The following KALRN variants were observed in gnomAD, a reference collection of about 807,000 sequenced individuals.
KALRN encodes the protein kalirin RhoGEF kinase.
Under a neutral mutation model 353.7 loss-of-function variants are expected in KALRN, and 70 were observed. That is an observed-to-expected ratio of 0.20 (90% CI 0.16 to 0.24). The LOEUF (loss-of-function observed/expected upper bound fraction) is 0.24, where lower values mean the gene tolerates loss of function less well. KALRN is among the 10% of genes least tolerant of loss of function. The pLI is 1.00. For missense variants in KALRN, 2,791 were observed against 3,756.7 expected (o/e 0.74, Z 6.72); for synonymous variants, 1,391 against 1,434.8 (o/e 0.97, Z 0.69).
chr3:124,395,143 A>G lies in KALRN; in HGVS notation c.1971A>G (p.Thr657=). Residue 657 remains threonine, a synonymous_variant, in exon 12 of 60, where the codon ACA becomes ACG. Coordinates refer to ENST00000682506, the MANE Select transcript of KALRN (RefSeq NM_001388419.1). ...CTGCTCTCTCTCTACAGTTGTGGACATGGATGGAAGACCTTCAGAAGGAGA... is the reference window on the plus strand; with the variant it reads ...CTGCTCTCTCTCTACAGTTGTGGACGTGGATGGAAGACCTTCAGAAGGAGA... ...SFHTHTKELW[T]WMEDLQKEML... 4 of 1,612,450 alleles carry G rather than the reference A, an allele frequency of 2.5e-6. No homozygotes were observed. Among genetic ancestry groups the G allele is most frequent in the Middle Eastern group, 1.7e-4 (1 of 6,052 alleles).
chr3:124,601,932 G>A (rs2076845354), intron 34 of KALRN, among the ~76,000 whole-genome samples: 1 of 151,856 alleles, frequency 6.6e-6, no homozygotes, highest in Admixed American at 6.6e-5. Flanking sequence ...AGGCTGAGGG[G>A]GGAGTATGGC....
intron 33 of KALRN, among the ~76,000 whole-genome samples, chr3:124,550,390 A>C (rs1172041948): frequency 2.0e-5 from 3 of 152,134 alleles, no homozygotes; most frequent in African/African-American, 7.2e-5. Context: ...AGATCCCATT[A>C]CTTGCCCTAG....
At chr3:124,444,261 G>A (rs2093757856) in intron 19 of KALRN, among the ~76,000 whole-genome samples, 1 of 152,206 alleles carries the variant, frequency 6.6e-6, no homozygotes, top group South Asian at 2.1e-4. Flanking sequence ...GGGTCGAAGG[G>A]GCAGCAGTTA....
chr3:124,666,607 T>G lies in KALRN; in HGVS notation c.6504T>G (p.Pro2168=). ...TGCTCAGGAAGGGATCCCTCACCCC[T>G]GGCTACATGTTCAAAAGGAGCATCA... The part of the protein sequence containing the change: ...SELLRKGSLT[P]GYMFKRSIKM... Residue 2168 remains proline, a synonymous_variant, in exon 46 of 60, where the codon CCT becomes CCG. Coordinates refer to ENST00000682506, the MANE Select transcript of KALRN (RefSeq NM_001388419.1). 1 of 1,614,068 alleles carries G rather than the reference T, an allele frequency of 6.2e-7. No individual in the cohort carries two copies. The highest frequency in any genetic ancestry group is 8.5e-7 in the Non-Finnish European group (1 of 1,179,972).
chr3:124,316,035 G>A (rs951294804), intron 6 of KALRN, among the ~76,000 whole-genome samples: 30 of 152,176 alleles, frequency 2.0e-4, no homozygotes, highest in African/African-American at 7.0e-4. Context: ...AGGTCAGGAC[G>A]AGACGGGCGG....
At chr3:124,659,262 A>T in intron 42 of KALRN, 103 bp from the exon 43 acceptor site, 1 of 800,350 alleles carries the variant, frequency 1.2e-6, no homozygotes, top group Non-Finnish European at 2.2e-6. Flanking sequence ...CTTCAACTTC[A>T]TTGGAAAACA....
chr3:124,225,940 C>T lies in KALRN; in HGVS notation c.74-2050C>T, dbSNP rs551712519. ...TGCTATTTTTGAACTTGTAAATAAT[C>T]TGAAAGAAGACAGGACTGAAATTTA... On this transcript the variant is annotated intron_variant, in intron 1 of 59. Coordinates refer to ENST00000682506, the MANE Select transcript of KALRN (RefSeq NM_001388419.1). Among the ~76,000 whole-genome samples, 33 of 152,254 alleles carry T rather than the reference C, an allele frequency of 2.2e-4. No individual in the cohort carries two copies. The South Asian group carries it at 6.6e-3, about 31-fold the overall frequency.
intron 34 of KALRN, among the ~76,000 whole-genome samples, chr3:124,611,005 C>G (rs1174938407): frequency 6.6e-6 from 1 of 152,052 alleles, no homozygotes. Context: ...GCCTGGGCAA[C>G]AGAGTGATAC....
At chr3:124,152,894 T>A (rs1206048217) in intron 1 of KALRN, 2 of 185,366 alleles carry the variant, frequency 1.1e-5, no homozygotes, top group African/African-American at 4.8e-5. Context: ...GGATTACAAG[T>A]GTGAGCCACT....
intron 17 of KALRN, among the ~76,000 whole-genome samples, chr3:124,437,295 G>A (rs1291452918): frequency 6.6e-6 from 1 of 152,248 alleles, no homozygotes; most frequent in Non-Finnish European, 1.5e-5. Context: ...ATCTTCTCAT[G>A]ACATGAGAAG....
In KALRN at chr3:124,674,660, A is replaced by G. The variant is rs368712996; in HGVS notation, c.7193+46A>G. On this transcript the variant is annotated intron_variant, in intron 49 of 59. Coordinates refer to ENST00000682506, the MANE Select transcript of KALRN (RefSeq NM_001388419.1). ...CCCGGGAGAGGAGTATGAGGATTAA[A>G]AATATTCAGAAACAAACAAAAGAAC... 5.0e-5 allele frequency: 74 copies of G among 1,479,400 alleles called. No homozygotes were observed. The African/African-American group carries it at 9.8e-4, about 20-fold the overall frequency. The allele number at this position is 1,479,400 out of a possible 1,614,324, so 91.6% of individuals were successfully genotyped here.
At chr3:124,189,648 C>A (rs1374994651) in intron 1 of KALRN, among the ~76,000 whole-genome samples, 3 of 151,900 alleles carry the variant, frequency 2.0e-5, no homozygotes, top group Non-Finnish European at 4.4e-5. Context: ...ACTAATAATA[C>A]AAAATATTAG....
intron 37 of KALRN, among the ~76,000 whole-genome samples, chr3:124,645,633 T>G (rs2082609097): frequency 1.1e-5 from 1 of 95,194 alleles, no homozygotes; most frequent in South Asian, 3.0e-4. Flanking sequence ...TATTTCTCTC[T>G]CTCTCTCTCT....
At chr3:124,498,810 C>G (rs1434727658) in intron 33 of KALRN, among the ~76,000 whole-genome samples, 1 of 152,022 alleles carries the variant, frequency 6.6e-6, no homozygotes, top group African/African-American at 2.4e-5. Context: ...CGTGACTGCA[C>G]TTTTCTTCTT....
chr3:124,555,501 T>A (rs2109693412), intron 33 of KALRN, among the ~76,000 whole-genome samples: 1 of 152,230 alleles, frequency 6.6e-6, no homozygotes, highest in Middle Eastern at 3.4e-3. Context: ...CTCTTTGTTC[T>A]TGTGGATTTG....
intron 33 of KALRN, among the ~76,000 whole-genome samples, chr3:124,542,561 TGTC>T (rs1216468355): frequency 2.6e-5 from 4 of 152,314 alleles, no homozygotes; most frequent in South Asian, 2.1e-4. Context: ...TACCCCTTGT[TGTC>T]AGAATCTGCA....
chr3:124,294,160 A>G (rs545271211), intron 5 of KALRN, among the ~76,000 whole-genome samples: 1 of 152,144 alleles, frequency 6.6e-6, no homozygotes, highest in South Asian at 2.1e-4. Flanking sequence ...GAGATCATTC[A>G]GGTTCTGAAG....
At chr3:124,208,044 G>C (rs1243580705) in intron 1 of KALRN, among the ~76,000 whole-genome samples, 1 of 152,188 alleles carries the variant, frequency 6.6e-6, no homozygotes, top group Non-Finnish European at 1.5e-5. Flanking sequence ...TTCCCCCCCA[G>C]TTCAGTGTCC....
intron 3 of KALRN, among the ~76,000 whole-genome samples, chr3:124,263,926 C>G (rs1387572535): frequency 2.6e-5 from 4 of 152,006 alleles, no homozygotes; most frequent in Non-Finnish European, 5.9e-5. Context: ...GAAAGGGAGA[C>G]AAACATTAAA....
Sources: gnomAD v4.1 joint callset for allele counts (sites outside exome capture counted in the v4.1 genomes callset) on GRCh38, gnomAD v4.1.1 for gene constraint, MANE v1.5 for transcripts, NCBI Gene and HGNC (gene_info 2026-07-23, HGNC 2026-07-21) for gene names.